Variants in DYNC2I1 observed in about 807,000 individuals in gnomAD.
The protein encoded by DYNC2I1 is dynein 2 intermediate chain 1.
A neutral mutation model predicts 133.4 loss-of-function variants in DYNC2I1; 89 were observed. That is an observed-to-expected ratio of 0.67 (90% confidence interval 0.56 to 0.80). DYNC2I1 has a LOEUF of 0.80. Ranked by LOEUF, DYNC2I1 falls within the 30% of genes least tolerant of loss-of-function variation. The probability of loss-of-function intolerance (pLI) is 0.00; values close to 1 mark genes in which losing one functional copy is unlikely to be tolerated. For missense variants in DYNC2I1, 1,291 were observed against 1,314.5 expected (o/e 0.98, Z 0.28); for synonymous variants, 504 against 484.3 (o/e 1.04, Z -0.54).
At chr7:158,907,273 C>CT (rs36062364) in intron 11 of DYNC2I1, among the ~76,000 whole-genome samples, 20,881 of 100,158 alleles carry the variant, frequency 0.21, 2,163 homozygotes, top group East Asian at 0.48. Context: ...CCATGGCCTT[C>CT]TTTTTTTTTT....
At chr7:158,899,004 T>C (rs1181566907) in intron 8 of DYNC2I1, among the ~76,000 whole-genome samples, 2 of 152,136 alleles carry the variant, frequency 1.3e-5, no homozygotes, top group African/African-American at 4.8e-5. Flanking sequence ...TAAGCAGACA[T>C]AAGCATGTTA....
chr7:158,957,584 G>T (rs1267393896), downstream of DYNC2I1, among the ~76,000 whole-genome samples: 1 of 152,202 alleles, frequency 6.6e-6, no homozygotes, highest in Non-Finnish European at 1.5e-5. Flanking sequence ...GGGCTATGAG[G>T]AACCGGCCCC....
intron 23 of DYNC2I1, among the ~76,000 whole-genome samples, chr7:158,936,294 C>G (rs1160487304): frequency 6.8e-6 from 1 of 147,638 alleles, no homozygotes; most frequent in African/African-American, 2.5e-5. Flanking sequence ...AAAACCAAAA[C>G]CAAATACATA....
At chr7:158,941,582 C>G (rs74303890) in intron 23 of DYNC2I1, among the ~76,000 whole-genome samples, 2 of 151,886 alleles carry the variant, frequency 1.3e-5, no homozygotes, top group Non-Finnish European at 2.9e-5. Flanking sequence ...GATCAAGTTA[C>G]GAAAAAAACA....
intron 4 of DYNC2I1, among the ~76,000 whole-genome samples, chr7:158,951,342 G>C (rs536894855): frequency 6.6e-6 from 1 of 152,336 alleles, no homozygotes; most frequent in South Asian, 2.1e-4. Context: ...GGCACAGCTG[G>C]GATCCTGGCA....
At chr7:158,927,845 C>CATGG (rs1849778954) in intron 20 of DYNC2I1, among the ~76,000 whole-genome samples, 1 of 151,432 alleles carries the variant, frequency 6.6e-6, no homozygotes, top group Non-Finnish European at 1.5e-5. Context: ...AGCCACCGTC[C>CATGG]AGCCTGAGTG....
chr7:158,848,502 A>T, the DYNC2I1 span, among the ~76,000 whole-genome samples: 2 of 152,222 alleles, frequency 1.3e-5, no homozygotes, highest in Non-Finnish European at 2.9e-5. Flanking sequence ...AAAATGGCAA[A>T]GGCAAAAGGG....
At chr7:158,940,078 C>G (rs1448313956) in intron 23 of DYNC2I1, among the ~76,000 whole-genome samples, 1 of 152,174 alleles carries the variant, frequency 6.6e-6, no homozygotes, top group African/African-American at 2.4e-5. Context: ...CAGTAATGGA[C>G]AGATTACCCA....
chr7:158,917,277 C>T (rs1177803209), intron 14 of DYNC2I1, among the ~76,000 whole-genome samples: 8 of 120,536 alleles, frequency 6.6e-5, no homozygotes, highest in South Asian at 4.5e-4. Flanking sequence ...TGTGAAACGT[C>T]GACATGCTGG....
At chr7:158,955,895 A>G (rs963615786) in intron 4 of DYNC2I1, among the ~76,000 whole-genome samples, 2 of 152,216 alleles carry the variant, frequency 1.3e-5, no homozygotes, top group African/African-American at 4.8e-5. Flanking sequence ...CGAGAAGTAG[A>G]AATGTGTGTC....
chr7:158,926,584 A>T, intron 19 of DYNC2I1, 121 bp downstream of exon 19: 1 of 1,133,928 alleles, frequency 8.8e-7, no homozygotes, highest in Non-Finnish European at 1.3e-6. Flanking sequence ...GGAGAGCAAG[A>T]CTGGGCTTCT....
At chr7:158,894,857 T>G (rs1845618338) in intron 8 of DYNC2I1, among the ~76,000 whole-genome samples, 1 of 144,576 alleles carries the variant, frequency 6.9e-6, no homozygotes, top group Admixed American at 7.1e-5. Flanking sequence ...GCATTCGGTG[T>G]TGTTGGTGTT....
intron 15 of DYNC2I1, among the ~76,000 whole-genome samples, chr7:158,920,101 A>C (rs1489247212): frequency 1.3e-5 from 2 of 151,404 alleles, no homozygotes; most frequent in African/African-American, 4.9e-5. Context: ...TCCGTCGGGG[A>C]ACACGTGAAG....
At position 158,945,179 on chromosome 7, in the gene DYNC2I1, G is replaced by A. The variant is rs1008018669; in HGVS notation, c.3003-402G>A. Reference sequence around the variant, plus strand: ...GGGTCCGGGGCTCCAGGGTGAGTCCGGGCTGGAGACGCAGACTTGTGAGTC... The same window carrying A: ...GGGTCCGGGGCTCCAGGGTGAGTCCAGGCTGGAGACGCAGACTTGTGAGTC... On this transcript the variant is annotated intron_variant, in intron 24 of 24. Transcript: ENST00000407559. The surrounding 1 kb of genome is among the most constrained non-coding windows in gnomAD (Gnocchi z 4.1). 1.3e-5 allele frequency among the ~76,000 whole-genome samples: 2 copies of A among 152,202 alleles called. No individual in the cohort carries two copies. Among genetic ancestry groups the A allele is most frequent in the Non-Finnish European group, 2.9e-5 (2 of 67,982 alleles).
At chr7:158,923,770 G>T in intron 17 of DYNC2I1, 37 bp downstream of exon 17, 1 of 1,583,224 alleles carries the variant, frequency 6.3e-7, no homozygotes, top group South Asian at 1.1e-5. Context: ...GTGTCTGCTA[G>T]AAAAGCCACA....
intron 23 of DYNC2I1, among the ~76,000 whole-genome samples, chr7:158,940,764 T>A (rs1851262552): frequency 6.6e-6 from 1 of 152,204 alleles, no homozygotes; most frequent in Admixed American, 6.5e-5. Flanking sequence ...GAAGGACATT[T>A]AAAAATTTAT....
chr7:158,851,787 A>G (rs747055982), upstream of DYNC2I1, among the ~76,000 whole-genome samples: 7 of 152,202 alleles, frequency 4.6e-5, no homozygotes, highest in African/African-American at 2.4e-5. Flanking sequence ...TGCAGATTGA[A>G]TCATGAATCA....
intron 4 of DYNC2I1, among the ~76,000 whole-genome samples, chr7:158,951,971 AC>A (rs1852067789): frequency 6.6e-6 from 1 of 151,840 alleles, no homozygotes; most frequent in Non-Finnish European, 1.5e-5. Flanking sequence ...CATCCTCCAG[AC>A]CCGCCTTTCC....
At chr7:158,939,325 C>T (rs1197599700) in intron 23 of DYNC2I1, among the ~76,000 whole-genome samples, 2 of 151,902 alleles carry the variant, frequency 1.3e-5, no homozygotes, top group Non-Finnish European at 2.9e-5. Context: ...ACCTGTAGTC[C>T]CAGCTAGCTA....
Sources: gnomAD v4.1 joint callset for allele counts (sites outside exome capture counted in the v4.1 genomes callset) on GRCh38, gnomAD v4.1.1 for gene constraint, Gnocchi (gnomAD v3.1) non-coding constraint, MANE v1.5 for transcripts, NCBI Gene and HGNC (gene_info 2026-07-23, HGNC 2026-07-21) for gene names.